RSPO2: variants seen among roughly 807,000 people sequenced by gnomAD.
RSPO2 encodes the protein R-spondin 2.
Under a neutral mutation model 30.9 loss-of-function variants are expected in RSPO2, and 14 were observed. That is an observed-to-expected ratio of 0.45 (90% CI 0.30 to 0.71). The LOEUF (loss-of-function observed/expected upper bound fraction) is 0.71. Among genes scored for constraint, RSPO2 ranks in the 30% least tolerant of loss-of-function variants. The pLI, the probability that RSPO2 is intolerant of heterozygous loss-of-function variation, is 0.08. For missense variants in RSPO2, 264 were observed against 301.9 expected (o/e 0.87, Z 0.93); for synonymous variants, 107 against 96.4 (o/e 1.11, Z -0.64).
chr8:108,051,686 G>A (rs1044553814), intron 2 of RSPO2, among the ~76,000 whole-genome samples: 1 of 152,116 alleles, frequency 6.6e-6, no homozygotes, highest in African/African-American at 2.4e-5. Context: ...AAACAGGAGA[G>A]GTAGTATAAA....
intron 2 of RSPO2, among the ~76,000 whole-genome samples, chr8:107,997,820 C>T (rs910475686): frequency 6.6e-6 from 1 of 151,996 alleles, no homozygotes; most frequent in African/African-American, 2.4e-5. Flanking sequence ...TTGTTAAATC[C>T]AGTTATTCAC....
chr8:108,037,992 ATTTCAAC>A (rs759337354), intron 2 of RSPO2, among the ~76,000 whole-genome samples: 51 of 152,290 alleles, frequency 3.3e-4, no homozygotes, highest in Non-Finnish European at 4.7e-4. Flanking sequence ...TCAAGGAGTA[ATTTCAAC>A]TTTCAAGTCT....
In RSPO2 at chr8:108,083,310, T is replaced by A. The variant is rs919765464; in HGVS notation, c.-283A>T. ...TGGGGAAAAGTTTGCCGAGACCGGC[T>A]GGGAGCGCCTGGCAGCTCTGGAATT... On this transcript the variant is annotated 5_prime_UTR_variant, in exon 1 of 6. Transcript: ENST00000276659. 6.6e-6 allele frequency: 1 copy of A among 152,212 alleles called. No homozygotes were observed. The highest frequency in any genetic ancestry group is 1.5e-5 in the Non-Finnish European group (1 of 68,084). The allele number at this position is 152,212 out of a possible 1,614,324, so 9.4% of individuals were successfully genotyped here. A position where few individuals can be genotyped will look rare whatever the true frequency, so the allele number is the denominator to read the frequency against.
chr8:108,022,250 T>A (rs1384223042), intron 2 of RSPO2, among the ~76,000 whole-genome samples: 1 of 152,004 alleles, frequency 6.6e-6, no homozygotes, highest in Admixed American at 6.6e-5. Flanking sequence ...TCTCATAACG[T>A]CTTTCTCTTT....
intron 2 of RSPO2, among the ~76,000 whole-genome samples, chr8:108,070,278 CT>C (rs1050611219): frequency 0.14 from 11,075 of 81,114 alleles, 197 homozygotes; most frequent in East Asian, 0.28. Flanking sequence ...GACCCCATCT[CT>C]TTTTTTTTTT....
At chr8:107,969,113 CTT>C in intron 3 of RSPO2, among the ~76,000 whole-genome samples, 1 of 152,182 alleles carries the variant, frequency 6.6e-6, no homozygotes, top group East Asian at 1.9e-4. Context: ...ATCACATTCT[CTT>C]TGTGCCCTAC....
chr8:108,062,384 T>A (rs1010655296), intron 2 of RSPO2, among the ~76,000 whole-genome samples: 2 of 151,818 alleles, frequency 1.3e-5, no homozygotes, highest in African/African-American at 4.9e-5. Flanking sequence ...AAATACAGAC[T>A]ACCATCAGAG....
rs944714927 is a variant in RSPO2, at chr8:108,082,727, G to C, written c.-89C>G. On this transcript the variant is annotated 5_prime_UTR_variant, in exon 2 of 6. Coordinates refer to ENST00000276659, the MANE Select transcript of RSPO2 (RefSeq NM_178565.5). ...AGCCGGCGCCGGCCGCGCTGCTGGG[G>C]AGGACTCAGAGGGAGACTCGCCACT... 39 of 1,045,380 alleles carry C rather than the reference G, an allele frequency of 3.7e-5. No homozygotes were observed. In the Admixed American group the frequency reaches 3.8e-4, roughly 10 times the overall value. The allele number at this position is 1,045,380 out of a possible 1,614,324, so 64.8% of individuals were successfully genotyped here.
chr8:108,056,047 T>TA (rs1812232290), intron 2 of RSPO2, among the ~76,000 whole-genome samples: 3 of 152,318 alleles, frequency 2.0e-5, no homozygotes, highest in African/African-American at 4.8e-5. Flanking sequence ...AAAATAGGTC[T>TA]ACCTCACAAG....
chr8:107,928,302 C>T (rs943501081), intron 5 of RSPO2, among the ~76,000 whole-genome samples: 1 of 152,168 alleles, frequency 6.6e-6, no homozygotes, highest in African/African-American at 2.4e-5. Flanking sequence ...ACATAGTTAA[C>T]AGATGTACTG....
chr8:108,082,891 T>G, intron 1 of RSPO2, 84 bp from the exon 2 acceptor site: 1 of 479,284 alleles, frequency 2.1e-6, no homozygotes. Flanking sequence ...CGTCCCAATT[T>G]AAAGAAGAGA....
At chr8:107,987,229 A>C (rs1162202642) in intron 3 of RSPO2, among the ~76,000 whole-genome samples, 1 of 152,156 alleles carries the variant, frequency 6.6e-6, no homozygotes, top group Non-Finnish European at 1.5e-5. Context: ...CCACAAAAAA[A>C]ATCATCAGAA....
In RSPO2 at chr8:107,901,023, T is replaced by C; in HGVS notation, c.*52A>G. ...AGTGTGCAGGAGTGGAGAGTAGCTT[T>C]GTGCACATTTGCAAAAACAAAAACC... On this transcript the variant is annotated 3_prime_UTR_variant, in exon 6 of 6. Transcript: ENST00000276659. 1 of 1,597,854 alleles carries C rather than the reference T, an allele frequency of 6.3e-7. No individual in the cohort carries two copies. Among genetic ancestry groups the C allele is most frequent in the Non-Finnish European group, 8.5e-7 (1 of 1,169,614 alleles).
At chr8:108,019,085 C>G (rs949334197) in intron 2 of RSPO2, among the ~76,000 whole-genome samples, 2 of 152,076 alleles carry the variant, frequency 1.3e-5, no homozygotes, top group African/African-American at 4.8e-5. Flanking sequence ...CGAATATATC[C>G]AAGTTTAGTA....
intron 5 of RSPO2, among the ~76,000 whole-genome samples, chr8:107,904,730 T>A (rs1353508364): frequency 6.6e-6 from 1 of 152,066 alleles, no homozygotes; most frequent in Non-Finnish European, 1.5e-5. Flanking sequence ...GTTTATAGAA[T>A]GAAAATACTA....
intron 5 of RSPO2, among the ~76,000 whole-genome samples, chr8:107,926,301 G>GC (rs1194150684): frequency 1.3e-5 from 2 of 151,858 alleles, no homozygotes; most frequent in Non-Finnish European, 2.9e-5. Flanking sequence ...CTGGATATTA[G>GC]CCCTTTGTCA....
chr8:107,933,343 C>T lies in RSPO2; in HGVS notation c.616+24737G>A, dbSNP rs143124336. Among the ~76,000 whole-genome samples the T allele has an allele frequency of 7.4e-3, 1,125 of 152,114 alleles. 11 individuals carry two copies. Among genetic ancestry groups the T allele is most frequent in the African/African-American group, 0.024 (1,011 of 41,512 alleles). On this transcript the variant is annotated intron_variant, in intron 5 of 5. Transcript: ENST00000276659. ...TAGTCAACTTTTGAAAAGTAACTGG[C>T]CAAAAGGATTGTATACGAAATATAC... is the stretch of plus-strand genomic sequence containing the variant.
chr8:108,060,595 G>T (rs1812423242), intron 2 of RSPO2, among the ~76,000 whole-genome samples: 1 of 151,834 alleles, frequency 6.6e-6, no homozygotes, highest in African/African-American at 2.4e-5. Flanking sequence ...ATGGAACCAA[G>T]TTGGAAAACA....
chr8:107,948,676 G>C (rs549478358), intron 5 of RSPO2, among the ~76,000 whole-genome samples: 2 of 151,918 alleles, frequency 1.3e-5, no homozygotes, highest in Non-Finnish European at 2.9e-5. Context: ...TGGCTAACAC[G>C]GTGAAACCCT....
Sources: gnomAD v4.1 joint callset for allele counts (sites outside exome capture counted in the v4.1 genomes callset) on GRCh38, gnomAD v4.1.1 for gene constraint, MANE v1.5 for transcripts, NCBI Gene and HGNC (gene_info 2026-07-23, HGNC 2026-07-21) for gene names.